Variants in CTNNA1 observed in about 807,000 individuals in gnomAD.
CTNNA1 encodes the protein catenin alpha 1.
CTNNA1 carries 37 observed loss-of-function variants against 98.4 expected under a neutral mutation model. The ratio of observed to expected loss-of-function variants is 0.38; its 90% CI spans 0.29 to 0.49. CTNNA1 has a LOEUF of 0.49. Among genes scored for constraint, CTNNA1 ranks in the 20% least tolerant of loss-of-function variants. The pLI is 0.95. For synonymous variants in CTNNA1, 404 were observed against 413.2 expected (o/e 0.98, Z 0.27); for missense variants, 761 against 1,147.2 (o/e 0.66, Z 4.86).
In CTNNA1 at chr5:138,920,486, C is replaced by T. The variant is rs1041311675; in HGVS notation, c.1546+2588C>T. On this transcript the variant is annotated intron_variant, in intron 11 of 17. Transcript: ENST00000302763. ...TTTGGTGGACCCATAGTGAGATGGG[C>T]TTGTTTTTGAGTAGGGGCTGCCTGG... Among the ~76,000 whole-genome samples the T allele has an allele frequency of 3.9e-5, 6 of 152,166 alleles. No individual in the cohort carries two copies. The East Asian group carries it at 1.2e-3, about 29-fold the overall frequency.
chr5:138,848,735 T>G (rs561656827), intron 7 of CTNNA1, among the ~76,000 whole-genome samples: 1 of 152,140 alleles, frequency 6.6e-6, no homozygotes, highest in East Asian at 1.9e-4. Flanking sequence ...CCTGGCATAC[T>G]TTTTTTTGAG....
chr5:138,839,685 T>C (rs1329999056), intron 7 of CTNNA1, among the ~76,000 whole-genome samples: 1 of 152,206 alleles, frequency 6.6e-6, no homozygotes, highest in Non-Finnish European at 1.5e-5. Context: ...TTTCAATTCT[T>C]GGATTGCCAC....
chr5:138,866,273 C>CT (rs1275402470), intron 7 of CTNNA1, among the ~76,000 whole-genome samples: 1 of 138,546 alleles, frequency 7.2e-6, no homozygotes, highest in Middle Eastern at 3.4e-3. Context: ...TGTTGTAACT[C>CT]ATTTATTTAT....
chr5:138,892,850 C>CT (rs1237757299), intron 9 of CTNNA1, among the ~76,000 whole-genome samples: 3 of 151,736 alleles, frequency 2.0e-5, no homozygotes, highest in Admixed American at 6.6e-5. Context: ...AACTCTGTCT[C>CT]TACTAAGAAT....
At chr5:138,933,718 G>A (rs966365017) in intron 17 of CTNNA1, 84 bp from the exon 18 acceptor site, 14 of 1,429,910 alleles carry the variant, frequency 9.8e-6, no homozygotes, top group Non-Finnish European at 1.3e-5. Flanking sequence ...AGGAGTAGGG[G>A]GCTCCCCTTC....
chr5:138,775,449 C>T (rs1162543435), intron 1 of CTNNA1, among the ~76,000 whole-genome samples: 1 of 152,158 alleles, frequency 6.6e-6, no homozygotes, highest in Non-Finnish European at 1.5e-5. Context: ...ATGACTGGGA[C>T]ACAGGCATTC....
chr5:138,927,255 G>A (rs1189261712), intron 13 of CTNNA1, among the ~76,000 whole-genome samples: 6 of 152,188 alleles, frequency 3.9e-5, no homozygotes, highest in African/African-American at 7.2e-5. Flanking sequence ...AGGCCGCCAC[G>A]TCACTCATTC....
intron 7 of CTNNA1, among the ~76,000 whole-genome samples, chr5:138,877,441 C>CT (rs70982737): frequency 0.24 from 32,970 of 136,764 alleles, 4,393 homozygotes; most frequent in Non-Finnish European, 0.3. Context: ...TCTTAAATTT[C>CT]TTTTTTTTTT....
intron 1 of CTNNA1, among the ~76,000 whole-genome samples, chr5:138,780,976 ATTC>A (rs1755029996): frequency 6.6e-6 from 1 of 152,110 alleles, no homozygotes; most frequent in South Asian, 2.1e-4. Flanking sequence ...TTTTCTCCCT[ATTC>A]TTAAAGCCGC....
At chr5:138,883,236 A>G (rs1248226763) in intron 7 of CTNNA1, among the ~76,000 whole-genome samples, 3 of 152,174 alleles carry the variant, frequency 2.0e-5, no homozygotes, top group East Asian at 1.9e-4. Flanking sequence ...GAGTGTGTCT[A>G]TGTGTACTCA....
intron 3 of CTNNA1, among the ~76,000 whole-genome samples, chr5:138,806,201 T>C (rs1027727116): frequency 9.2e-5 from 14 of 152,258 alleles, no homozygotes; most frequent in African/African-American, 3.1e-4. Context: ...TTCTCAAAGT[T>C]GATTGATCTC....
intron 7 of CTNNA1, chr5:138,880,949 A>G: frequency 2.4e-6 from 1 of 423,450 alleles, no homozygotes; most frequent in Non-Finnish European, 4.8e-6. Flanking sequence ...AAAAAAAAAC[A>G]CATTGAATAT....
intron 5 of CTNNA1, among the ~76,000 whole-genome samples, chr5:138,814,454 A>G (rs1380088342): frequency 6.6e-6 from 1 of 152,040 alleles, no homozygotes; most frequent in Non-Finnish European, 1.5e-5. Context: ...TTTTTGCTGG[A>G]GCTAATTGAT....
At chr5:138,804,354 A>G (rs928882943) in intron 3 of CTNNA1, among the ~76,000 whole-genome samples, 2 of 119,108 alleles carry the variant, frequency 1.7e-5, no homozygotes, top group African/African-American at 6.1e-5. Flanking sequence ...AAAGTGCACA[A>G]TTCAGTGGTT....
At chr5:138,836,668 C>T (rs1183807247) in intron 7 of CTNNA1, among the ~76,000 whole-genome samples, 1 of 152,186 alleles carries the variant, frequency 6.6e-6, no homozygotes, top group Non-Finnish European at 1.5e-5. Context: ...GCATGTAAGC[C>T]TGCCCAGTGT....
chr5:138,798,012 C>T (rs960990943), intron 3 of CTNNA1, among the ~76,000 whole-genome samples: 1 of 152,102 alleles, frequency 6.6e-6, no homozygotes, highest in East Asian at 1.9e-4. Flanking sequence ...GAAGGAAGCT[C>T]CCCTCATCCT....
intron 1 of CTNNA1, among the ~76,000 whole-genome samples, chr5:138,781,107 A>G (rs774292569): frequency 7.9e-5 from 12 of 152,210 alleles, no homozygotes; most frequent in Non-Finnish European, 1.5e-4. Flanking sequence ...TGATTTAAAC[A>G]TTATGTTTTA....
intron 7 of CTNNA1, among the ~76,000 whole-genome samples, chr5:138,850,013 CTCTT>C (rs1236282864): frequency 2.0e-5 from 3 of 152,238 alleles, no homozygotes; most frequent in South Asian, 2.1e-4. Flanking sequence ...CACACTCTCT[CTCTT>C]AAGATTTTTG....
At chr5:138,811,962 G>A (rs1758861523) in intron 4 of CTNNA1, 1 of 410,408 alleles carries the variant, frequency 2.4e-6, no homozygotes, top group Admixed American at 4.0e-5. Context: ...GGAAGGGGGA[G>A]GGAATTTTGT....
Sources: allele counts gnomAD v4.1 joint callset (sites outside exome capture counted in the v4.1 genomes callset), GRCh38; gene constraint gnomAD v4.1.1; transcripts MANE v1.5; gene names NCBI Gene and HGNC (gene_info 2026-07-23, HGNC 2026-07-21).